RAD18: variants seen among roughly 807,000 people sequenced by gnomAD.
The protein encoded by RAD18 is E3 ubiquitin-protein ligase RAD18.
A neutral mutation model predicts 60.4 loss-of-function variants in RAD18; 47 were observed. That is an observed-to-expected ratio of 0.78 (90% CI 0.62 to 0.99). RAD18 has a LOEUF of 0.99. Ranked by LOEUF, RAD18 falls within the 50% of genes least tolerant of loss-of-function variation. The probability of loss-of-function intolerance (pLI) is 0.00; values close to 1 mark genes in which losing one functional copy is unlikely to be tolerated. For missense variants in RAD18, 640 were observed against 593.3 expected (o/e 1.08, Z -0.82); for synonymous variants, 225 against 195.5 (o/e 1.15, Z -1.26).
At chr3:8,901,491 T>C (rs1939912584) in intron 10 of RAD18, among the ~76,000 whole-genome samples, 1 of 152,154 alleles carries the variant, frequency 6.6e-6, no homozygotes, top group Admixed American at 6.5e-5. Context: ...TTTTAAAATG[T>C]GCTACAACAT....
At chr3:8,914,053 AATT>A (rs1940155351) in intron 7 of RAD18, among the ~76,000 whole-genome samples, 1 of 152,180 alleles carries the variant, frequency 6.6e-6, no homozygotes, top group Admixed American at 6.5e-5. Context: ...GTGTGAGTTC[AATT>A]ATTAGGGGAT....
At position 8,898,897 on chromosome 3, in the gene RAD18, T is replaced by C. The variant is rs750255514; in HGVS notation, c.1319A>G (p.Asn440Ser). Reference sequence around the variant, plus strand: ...TCAACTACTGCATGTTTCTTACCTATTGCATGAATCTGATTCTGATGAAGA... The same window carrying C: ...TCAACTACTGCATGTTTCTTACCTACTGCATGAATCTGATTCTGATGAAGA... ...VLSSSESDSC[N>S]SSSSDIIRDL... Residue 440 changes from asparagine (N) to serine (S), a missense_variant, in exon 11 of 13, where the codon AAT (asparagine) becomes AGT (serine). By Grantham distance (46) the Asn-to-Ser change is conservative. Transcript: ENST00000264926. 4 of 1,579,846 alleles carry C rather than the reference T, an allele frequency of 2.5e-6. No individual in the cohort carries two copies. The Admixed American group carries it at 7.2e-5, about 29-fold the overall frequency.
intron 2 of RAD18, among the ~76,000 whole-genome samples, chr3:8,950,785 T>C (rs997854655): frequency 7.2e-5 from 11 of 152,030 alleles, no homozygotes; most frequent in Non-Finnish European, 1.5e-4. Context: ...GTAGACAACA[T>C]GCAAGAACAG....
rs144576421 is a variant in RAD18 at position 8,921,440 on chromosome 3, C to T, written c.890-7720G>A. Among the ~76,000 whole-genome samples, 400 of 152,198 alleles carry T rather than the reference C, an allele frequency of 2.6e-3. 3 individuals carry two copies. The highest frequency in any genetic ancestry group is 9.4e-3 in the African/African-American group (392 of 41,508). Reference sequence around the variant, plus strand: ...GCTAAAGCAGGGGAATCTCTTGAGGCTAGGAGTTCAACATCAGCCTGGGCA... The same window carrying T: ...GCTAAAGCAGGGGAATCTCTTGAGGTTAGGAGTTCAACATCAGCCTGGGCA... On this transcript the variant is annotated intron_variant, in intron 7 of 12. Coordinates refer to ENST00000264926, the MANE Select transcript of RAD18 (RefSeq NM_020165.4).
intron 7 of RAD18, among the ~76,000 whole-genome samples, chr3:8,915,615 GCT>G (rs1225378367): frequency 2.1e-5 from 3 of 144,200 alleles, no homozygotes; most frequent in African/African-American, 7.8e-5. Flanking sequence ...ACTGAGTCTC[GCT>G]CTGTCACCCA....
intron 5 of RAD18, 78 bp from the exon 6 acceptor site, chr3:8,939,731 G>A (rs1010093153): frequency 9.1e-6 from 11 of 1,207,674 alleles, no homozygotes; most frequent in Non-Finnish European, 1.2e-5. Flanking sequence ...CATCTTTTCA[G>A]CAAGTAAAGT....
intron 10 of RAD18, 150 bp from the exon 11 acceptor site, chr3:8,899,197 G>C: frequency 1.9e-6 from 1 of 526,182 alleles, no homozygotes; most frequent in Admixed American, 3.6e-5. Context: ...CAGAGAGCAA[G>C]AATTAACACT....
chr3:8,918,318 C>CAAAAAAAAAAAAAAAAAAA (rs56365221), intron 7 of RAD18, among the ~76,000 whole-genome samples: 1 of 73,018 alleles, frequency 1.4e-5, no homozygotes, highest in African/African-American at 6.0e-5. Context: ...AACTCCATCT[C>CAAAAAAAAAAAAAAAAAAA]AAAAAAAAAA....
At chr3:8,961,832 C>T (rs1941098754) in intron 1 of RAD18, among the ~76,000 whole-genome samples, 1 of 152,128 alleles carries the variant, frequency 6.6e-6, no homozygotes, top group Non-Finnish European at 1.5e-5. Context: ...GACATGGAAC[C>T]CGCCTCTAAA....
chr3:8,933,593 C>T (rs1262548892), intron 7 of RAD18, among the ~76,000 whole-genome samples: 1 of 152,190 alleles, frequency 6.6e-6, no homozygotes, highest in Non-Finnish European at 1.5e-5. Context: ...TAGAATAAAA[C>T]ATCGTGTACC....
rs140659685 is a variant in RAD18, at chr3:8,891,748, G to A, written c.1323-1297C>T. On this transcript the variant is annotated intron_variant, in intron 11 of 12. Transcript: ENST00000264926. Reference sequence around the variant, plus strand: ...AATGGACTGATACAAAATTTGGGAGGTTCAGAATTTTATCTAAAATGAAGT... The same window carrying A: ...AATGGACTGATACAAAATTTGGGAGATTCAGAATTTTATCTAAAATGAAGT... Among the ~76,000 whole-genome samples, 407 of 152,258 alleles carry A rather than the reference G, an allele frequency of 2.7e-3. 3 individuals carry two copies. The highest frequency in any genetic ancestry group is 9.2e-3 in the African/African-American group (383 of 41,532).
chr3:8,917,884 T>C (rs1940235120), intron 7 of RAD18, among the ~76,000 whole-genome samples: 1 of 152,084 alleles, frequency 6.6e-6, no homozygotes, highest in Admixed American at 6.6e-5. Context: ...AAATAACCCA[T>C]TTTAAATAAA....
At chr3:8,900,988 T>C (rs1448851873) in intron 10 of RAD18, among the ~76,000 whole-genome samples, 2 of 152,218 alleles carry the variant, frequency 1.3e-5, no homozygotes, top group Admixed American at 6.5e-5. Flanking sequence ...AGTGCTAAAC[T>C]AGTTTCTAGA....
rs201112228 is a variant in RAD18, at chr3:8,884,110, T to G, written c.1386-2651A>C. 5.9e-5 allele frequency among the ~76,000 whole-genome samples: 9 copies of G among 152,192 alleles called. No homozygotes were observed. The East Asian group carries it at 1.7e-3, about 29-fold the overall frequency. Reference sequence around the variant, plus strand: ...AAGGGGCTCCAACCCCGCTCTGCCTTCTCTGGGGACTGTCAGCCTGCTGGT... The same window carrying G: ...AAGGGGCTCCAACCCCGCTCTGCCTGCTCTGGGGACTGTCAGCCTGCTGGT... On this transcript the variant is annotated intron_variant, in intron 12 of 12. Transcript: ENST00000264926.
At chr3:8,919,096 C>A (rs1940262568) in intron 7 of RAD18, among the ~76,000 whole-genome samples, 1 of 152,128 alleles carries the variant, frequency 6.6e-6, no homozygotes, top group Non-Finnish European at 1.5e-5. Flanking sequence ...AAAACTGAAC[C>A]ACAGTGTGGA....
chr3:8,909,743 CA>C (rs1432986740), intron 9 of RAD18, among the ~76,000 whole-genome samples: 1 of 151,988 alleles, frequency 6.6e-6, no homozygotes, highest in East Asian at 1.9e-4. Context: ...TCCTCTATAC[CA>C]GGGGTGTCCA....
chr3:8,958,281 G>C (rs1941042716), intron 2 of RAD18, among the ~76,000 whole-genome samples: 1 of 152,150 alleles, frequency 6.6e-6, no homozygotes, highest in South Asian at 2.1e-4. Flanking sequence ...TGAAAATAGA[G>C]GACAAGAAAG....
intron 11 of RAD18, among the ~76,000 whole-genome samples, chr3:8,896,368 C>T (rs554118013): frequency 2.0e-4 from 30 of 152,302 alleles, no homozygotes; most frequent in African/African-American, 7.2e-4. Flanking sequence ...TTTAATATGT[C>T]ACCTGTTCAT....
intron 4 of RAD18, among the ~76,000 whole-genome samples, chr3:8,944,642 G>C (rs892037317): frequency 7.4e-6 from 1 of 135,402 alleles, no homozygotes; most frequent in African/African-American, 2.7e-5. Context: ...GAGGGAGGAA[G>C]AAAGGAAAGC....
Sources: gnomAD v4.1 joint callset for allele counts (sites outside exome capture counted in the v4.1 genomes callset) on GRCh38, gnomAD v4.1.1 for gene constraint, MANE v1.5 for transcripts, NCBI Gene and HGNC (gene_info 2026-07-23, HGNC 2026-07-21) for gene names.